Variants in FBN1 observed in about 807,000 individuals in gnomAD.
FBN1 encodes fibrillin-1.
In FBN1, 29 loss-of-function variants were observed where a neutral mutation model predicts 365.1. That is an observed-to-expected ratio of 0.08 (90% confidence interval 0.06 to 0.11). The LOEUF is 0.11. Among genes scored for constraint, FBN1 ranks in the 10% least tolerant of loss-of-function variants. FBN1 has a pLI of 1.00. For missense variants in FBN1, 2,476 were observed against 3,703.2 expected, an observed-to-expected ratio of 0.67 and a Z score of 8.60; for synonymous variants, 1,210 against 1,270.5, an observed-to-expected ratio of 0.95 and a Z score of 1.01.
Position 48,596,363 on chromosome 15 carries a change from C to G in FBN1, c.458G>C (p.Gly153Ala), listed in dbSNP as rs1228441560. ...THCGQPVCESGCLNGGRCVAP... is the reference protein window; with the variant it reads ...THCGQPVCESACLNGGRCVAP... ...CACACACCTTCCTCCATTGAGACAG[C>G]CACTTTCACAAACAGCTGTAAAATA... Residue 153 changes from glycine to alanine, a missense_variant, in exon 6 of 66, where the codon GGC (glycine) becomes GCC (alanine). Coordinates refer to ENST00000316623, the MANE Select transcript of FBN1 (RefSeq NM_000138.5). The G allele has an allele frequency of 1.2e-6, 2 of 1,613,974 alleles. No individual in the cohort carries two copies. Among genetic ancestry groups the G allele is most frequent in the Admixed American group, 1.7e-5 (1 of 60,020 alleles).
chr15:48,460,757 A>G (rs963560293), intron 42 of FBN1, among the ~76,000 whole-genome samples: 1 of 152,196 alleles, frequency 6.6e-6, no homozygotes, highest in African/African-American at 2.4e-5. Flanking sequence ...CATTCTTGAC[A>G]TCAGATCTAT....
chr15:48,540,215 T>C (rs2044047381), intron 6 of FBN1, among the ~76,000 whole-genome samples: 2 of 152,184 alleles, frequency 1.3e-5, no homozygotes, highest in Non-Finnish European at 2.9e-5. Flanking sequence ...TGTATTTTAA[T>C]TCAAAATTAA....
intron 5 of FBN1, among the ~76,000 whole-genome samples, chr15:48,596,813 C>T (rs2044519766): frequency 6.6e-6 from 1 of 152,210 alleles, no homozygotes; most frequent in Non-Finnish European, 1.5e-5. Flanking sequence ...CAATTAACTG[C>T]AAACAACAAA....
At chr15:48,594,336 C>A (rs923206951) in intron 6 of FBN1, among the ~76,000 whole-genome samples, 3 of 152,200 alleles carry the variant, frequency 2.0e-5, no homozygotes, top group Non-Finnish European at 4.4e-5. Flanking sequence ...GGCAAGCCTG[C>A]CTTCTGCTCT....
rs778710767 is a variant in FBN1 at position 48,468,096 on chromosome 15, C to A, written c.4589G>T (p.Arg1530Leu). Reference sequence around the variant, plus strand: ...AATATCCAAATAGCAATTTCCAGAGCGGGTATCTATTTACCATATACAAAC... The same window carrying A: ...AATATCCAAATAGCAATTTCCAGAGAGGGTATCTATTTACCATATACAAAC... ...NPTRVGCVDT[R>L]SGNCYLDIRP... is the part of the protein sequence containing the mutation. The change falls in exon 38 of 66, where the codon CGC (arginine) becomes CTC (leucine). Residue 1530 changes from arginine (R) to leucine (L), a missense_variant. By Grantham distance (102) the Arg-to-Leu change is moderately radical (BLOSUM62 -2). Coordinates refer to ENST00000316623, the MANE Select transcript of FBN1 (RefSeq NM_000138.5). 1 of 1,613,898 alleles carries A rather than the reference C, an allele frequency of 6.2e-7. No individual in the cohort carries two copies. The highest frequency in any genetic ancestry group is 1.7e-5 in the Admixed American group (1 of 59,994).
intron 12 of FBN1, among the ~76,000 whole-genome samples, chr15:48,514,067 T>A (rs888552826): frequency 6.6e-5 from 10 of 152,186 alleles, no homozygotes; most frequent in Admixed American, 6.5e-4. Flanking sequence ...TATCCAAGCA[T>A]TCCCTGCTGA....
intron 6 of FBN1, among the ~76,000 whole-genome samples, chr15:48,541,982 C>T (rs2044061451): frequency 6.6e-6 from 1 of 152,192 alleles, no homozygotes; most frequent in Non-Finnish European, 1.5e-5. Context: ...AACTGGCTTA[C>T]TCCAGTGTGG....
intron 8 of FBN1, among the ~76,000 whole-genome samples, chr15:48,528,060 T>C (rs2043930349): frequency 6.6e-6 from 1 of 152,256 alleles, no homozygotes; most frequent in Admixed American, 6.5e-5. Flanking sequence ...AAGAAGAATG[T>C]ACCTTTTTCA....
At chr15:48,504,347 A>C (rs2043691031) in intron 16 of FBN1, among the ~76,000 whole-genome samples, 1 of 152,246 alleles carries the variant, frequency 6.6e-6, no homozygotes, top group Non-Finnish European at 1.5e-5. Flanking sequence ...GGCCTATCCC[A>C]AAATAAACAC....
chr15:48,601,058 A>C (rs1313120944), intron 4 of FBN1, among the ~76,000 whole-genome samples: 1 of 152,238 alleles, frequency 6.6e-6, no homozygotes, highest in Admixed American at 6.5e-5. Context: ...GATTTGCCTG[A>C]GAAAGAGCTG....
intron 2 of FBN1, among the ~76,000 whole-genome samples, chr15:48,627,280 G>T (rs192925214): frequency 7.9e-4 from 121 of 152,252 alleles, no homozygotes; most frequent in African/African-American, 2.7e-3. Context: ...CACATTTTAG[G>T]AACATTCACT....
rs570869837 is a variant in FBN1, at chr15:48,495,060, C to T, written c.2677+63G>A. 8 of 1,600,980 alleles carry T rather than the reference C, an allele frequency of 5.0e-6. No homozygotes were observed. The East Asian group carries it at 6.7e-5, about 13-fold the overall frequency. ...GAGCCTAGATAAATGAAATACTAGG[C>T]TTCCCCTTTTTATGCAAAGACCATT... is the stretch of plus-strand genomic sequence containing the variant. On this transcript the variant is annotated intron_variant, in intron 22 of 65. Coordinates refer to ENST00000316623, the MANE Select transcript of FBN1 (RefSeq NM_000138.5).
At chr15:48,530,792 T>A (rs1244922225) in intron 8 of FBN1, among the ~76,000 whole-genome samples, 1 of 152,188 alleles carries the variant, frequency 6.6e-6, no homozygotes, top group African/African-American at 2.4e-5. Context: ...TTGGCTCACA[T>A]ATTATGGAGT....
intron 54 of FBN1, 27 bp from the exon 55 acceptor site, chr15:48,433,015 A>G (rs1485190545): frequency 6.2e-7 from 1 of 1,612,466 alleles, no homozygotes. Context: ...TAAGTAAATA[A>G]GGGATCATGG....
intron 24 of FBN1, among the ~76,000 whole-genome samples, chr15:48,490,421 T>G (rs1052838900): frequency 6.6e-6 from 1 of 152,198 alleles, no homozygotes; most frequent in African/African-American, 2.4e-5. Context: ...GATGCGTGCA[T>G]GCCATGATGT....
intron 6 of FBN1, among the ~76,000 whole-genome samples, chr15:48,543,046 G>A (rs2044070050): frequency 3.3e-5 from 5 of 152,030 alleles, no homozygotes; most frequent in Admixed American, 3.3e-4. Context: ...CATTTCCACA[G>A]TGCTGCACTG....
intron 2 of FBN1, chr15:48,644,053 C>T (rs1890244852): frequency 6.4e-6 from 1 of 156,700 alleles, no homozygotes; most frequent in Admixed American, 6.1e-5. Context: ...CTCAGAACCA[C>T]TTGCCCTGTT....
At position 48,526,311 on chromosome 15, in the gene FBN1, G is replaced by A. The variant is rs564560221; in HGVS notation, c.863-56C>T. The A allele has an allele frequency of 1.7e-4, 275 of 1,587,120 alleles. No homozygotes were observed. In the African/African-American group the frequency reaches 3.0e-3, roughly 17 times the overall value. ...TGTAGAACACAATATAAAACCATTCGTCAGTAGAAGGACTCAGATGTTAAC... is the reference window on the plus strand; with the variant it reads ...TGTAGAACACAATATAAAACCATTCATCAGTAGAAGGACTCAGATGTTAAC... On this transcript the variant is annotated intron_variant, in intron 8 of 65. Coordinates refer to ENST00000316623, the MANE Select transcript of FBN1 (RefSeq NM_000138.5).
chr15:48,623,696 C>T (rs1048805407), intron 2 of FBN1, among the ~76,000 whole-genome samples: 1 of 152,174 alleles, frequency 6.6e-6, no homozygotes, highest in African/African-American at 2.4e-5. Flanking sequence ...ATAGAGTGAC[C>T]TTGATAGGTC....
Sources: allele counts gnomAD v4.1 joint callset (sites outside exome capture counted in the v4.1 genomes callset), GRCh38; gene constraint gnomAD v4.1.1; transcripts MANE v1.5; gene names NCBI Gene and HGNC (gene_info 2026-07-23, HGNC 2026-07-21).